The following TBC1D5 variants were observed in gnomAD, a reference collection of about 807,000 sequenced individuals.
TBC1D5 encodes the protein TBC1 domain family member 5, also known as TBC1 domain family, member 5.
Under a neutral mutation model 100.3 loss-of-function variants are expected in TBC1D5, and 75 were observed. That is an observed-to-expected ratio of 0.75 (90% confidence interval 0.62 to 0.91). The LOEUF (loss-of-function observed/expected upper bound fraction) is 0.91, where lower values mean the gene tolerates loss of function less well. Ranked by LOEUF, TBC1D5 falls within the 40% of genes least tolerant of loss-of-function variation. The pLI is 0.00. For missense variants in TBC1D5, 910 were observed against 942.4 expected, an observed-to-expected ratio of 0.97 and a Z score of 0.45; for synonymous variants, 323 against 325.6, an observed-to-expected ratio of 0.99 and a Z score of 0.09.
At chr3:17,624,125 C>T (rs940058237) in intron 1 of TBC1D5, among the ~76,000 whole-genome samples, 11 of 152,098 alleles carry the variant, frequency 7.2e-5, no homozygotes, top group South Asian at 2.1e-4. Context: ...CACTGTGTGG[C>T]TTTTCCTAGG....
In TBC1D5 at chr3:17,690,240, G is replaced by A. The variant is rs1299522353; in HGVS notation, c.-101+49103C>T. Among the ~76,000 whole-genome samples, 12 of 59,798 alleles carry A rather than the reference G, an allele frequency of 2.0e-4. 2 individuals carry two copies. Among genetic ancestry groups the A allele is most frequent in the South Asian group, 1.8e-3 (2 of 1,094 alleles). The allele number at this position is 59,798 out of a possible 152,430, so 39.2% of individuals were successfully genotyped here. A position where few individuals can be genotyped will look rare whatever the true frequency, so the allele number is the denominator to read the frequency against. Reference sequence around the variant, plus strand: ...TTTTTTTTTTTTTTTTTTTTGAGACGGAGTCTCGCTCTGTCGCCCAGGCTG... The same window carrying A: ...TTTTTTTTTTTTTTTTTTTTGAGACAGAGTCTCGCTCTGTCGCCCAGGCTG... On this transcript the variant is annotated intron_variant, in intron 1 of 21. Transcript: ENST00000253692.
chr3:17,439,816 A>T (rs2094611290), intron 3 of TBC1D5, among the ~76,000 whole-genome samples: 1 of 152,246 alleles, frequency 6.6e-6, no homozygotes, highest in East Asian at 1.9e-4. Flanking sequence ...ATATGCTAGG[A>T]AATGTACAAT....
chr3:17,623,537 T>C (rs2153655655), intron 2 of TBC1D5, among the ~76,000 whole-genome samples: 1 of 152,312 alleles, frequency 6.6e-6, no homozygotes, highest in South Asian at 2.1e-4. Flanking sequence ...AAAAGTACAA[T>C]TATCTAAAAT....
At chr3:17,518,046 T>A (rs920743349) in intron 2 of TBC1D5, among the ~76,000 whole-genome samples, 1 of 152,154 alleles carries the variant, frequency 6.6e-6, no homozygotes, top group Non-Finnish European at 1.5e-5. Context: ...AGACAGCAGA[T>A]GCATTACTTG....
rs540015171 is a variant in TBC1D5, at chr3:17,530,749, T to C, written c.-35-22144A>G. Among the ~76,000 whole-genome samples the C allele has an allele frequency of 5.3e-5, 8 of 152,248 alleles. No homozygotes were observed. The East Asian group carries it at 7.7e-4, about 15-fold the overall frequency. On this transcript the variant is annotated intron_variant, in intron 2 of 21. Coordinates refer to ENST00000253692, the Ensembl canonical transcript of TBC1D5. ...GACAAAAACCACACGATTATCTCAA[T>C]AGATGCAGAAAAGGCCTTTGACAAA...
chr3:17,491,691 CG>C (rs2095642173), intron 3 of TBC1D5, among the ~76,000 whole-genome samples: 1 of 151,460 alleles, frequency 6.6e-6, no homozygotes, highest in Non-Finnish European at 1.5e-5. Context: ...TTTGAAGTGC[CG>C]GTGGTTTGCC....
chr3:17,336,948 T>C (rs1266926613), intron 13 of TBC1D5, among the ~76,000 whole-genome samples: 1 of 152,080 alleles, frequency 6.6e-6, no homozygotes. Flanking sequence ...TTTTAAAGTA[T>C]AGAGAGGGTG....
chr3:17,484,490 T>TGTG (rs2095536962), intron 3 of TBC1D5, among the ~76,000 whole-genome samples: 7 of 99,424 alleles, frequency 7.0e-5, no homozygotes, highest in South Asian at 3.2e-4. Flanking sequence ...GTGTGTGTGT[T>TGTG]TGGGTAACAA....
intron 19 of TBC1D5, among the ~76,000 whole-genome samples, chr3:17,178,345 G>A (rs1035650527): frequency 3.3e-5 from 5 of 151,752 alleles, no homozygotes; most frequent in Admixed American, 6.5e-5. Flanking sequence ...GATTACAGGC[G>A]TGAGCCACTG....
intron 2 of TBC1D5, among the ~76,000 whole-genome samples, chr3:17,589,773 T>C (rs956874175): frequency 1.3e-5 from 2 of 152,210 alleles, no homozygotes; most frequent in African/African-American, 2.4e-5. Flanking sequence ...AGGTTTAGAA[T>C]GTTGTCCATT....
chr3:17,493,888 C>T (rs547189847), intron 3 of TBC1D5, among the ~76,000 whole-genome samples: 5 of 152,256 alleles, frequency 3.3e-5, no homozygotes, highest in African/African-American at 4.8e-5. Context: ...TTTGGCTCAG[C>T]GAAGTTCACT....
chr3:17,586,889 A>G (rs1039564996), intron 2 of TBC1D5, among the ~76,000 whole-genome samples: 1 of 152,112 alleles, frequency 6.6e-6, no homozygotes, highest in African/African-American at 2.4e-5. Flanking sequence ...AATGACATAA[A>G]AGTGTTGAAA....
In TBC1D5 at chr3:17,675,828, C is replaced by T. The variant is rs544089061; in HGVS notation, c.-100-51915G>A. Among the ~76,000 whole-genome samples, 532 of 152,154 alleles carry T rather than the reference C, an allele frequency of 3.5e-3. 4 individuals are homozygous for T. Among genetic ancestry groups the T allele is most frequent in the African/African-American group, 0.012 (504 of 41,530 alleles). On this transcript the variant is annotated intron_variant, in intron 1 of 21. Transcript: ENST00000253692. ...CTTTCACAGAACAAAAAGACGTTTC[C>T]TTAGAATTTATTATTTTACGATTTG...
chr3:17,529,860 G>C (rs761045052), intron 2 of TBC1D5, among the ~76,000 whole-genome samples: 1 of 152,058 alleles, frequency 6.6e-6, no homozygotes, highest in Non-Finnish European at 1.5e-5. Flanking sequence ...ACATCAGGAT[G>C]CCACAATGAC....
intron 3 of TBC1D5, among the ~76,000 whole-genome samples, chr3:17,452,041 C>CT (rs932916996): frequency 1.3e-5 from 2 of 151,888 alleles, no homozygotes; most frequent in Admixed American, 6.6e-5. Flanking sequence ...GTTTTTATTG[C>CT]TTTTTTTTAA....
chr3:17,351,840 C>T (rs555363008), intron 13 of TBC1D5, among the ~76,000 whole-genome samples: 2 of 150,882 alleles, frequency 1.3e-5, no homozygotes, highest in African/African-American at 2.4e-5. Context: ...TTCCCTAGCA[C>T]TACCTCCTAC....
chr3:17,649,196 G>C (rs1296516553), intron 1 of TBC1D5, among the ~76,000 whole-genome samples: 1 of 152,128 alleles, frequency 6.6e-6, no homozygotes, highest in Non-Finnish European at 1.5e-5. Context: ...GATGGAGGTG[G>C]AGGCTATTAT....
intron 1 of TBC1D5, among the ~76,000 whole-genome samples, chr3:17,718,689 ACTGT>A (rs2075442446): frequency 6.6e-6 from 1 of 152,184 alleles, no homozygotes; most frequent in African/African-American, 2.4e-5. Flanking sequence ...CATCATTACC[ACTGT>A]CTATTTTCAG....
At chr3:17,346,756 G>C (rs1010512225) in intron 13 of TBC1D5, among the ~76,000 whole-genome samples, 6 of 152,094 alleles carry the variant, frequency 3.9e-5, no homozygotes, top group Admixed American at 1.3e-4. Flanking sequence ...TCAGCATATG[G>C]AGTGGGGTAT....
Sources: allele counts gnomAD v4.1 joint callset (sites outside exome capture counted in the v4.1 genomes callset), GRCh38; gene constraint gnomAD v4.1.1; transcripts MANE v1.5; gene names NCBI Gene and HGNC (gene_info 2026-07-23, HGNC 2026-07-21).